Variants in DLG3 observed in about 807,000 individuals in gnomAD.
DLG3 encodes discs large MAGUK scaffold protein 3, also known as disks large homolog 3.
In DLG3, 1 loss-of-function variant was observed where a neutral mutation model predicts 64.1. That is an observed-to-expected ratio of 0.02 (90% confidence interval 0.01 to 0.07). The LOEUF (loss-of-function observed/expected upper bound fraction) is 0.07, where lower values mean the gene tolerates loss of function less well. Ranked by LOEUF, DLG3 falls within the 10% of genes least tolerant of loss-of-function variation. DLG3 has a pLI of 1.00. For synonymous variants in DLG3, 245 were observed against 259.8 expected, an observed-to-expected ratio of 0.94 and a Z score of 0.55; for missense variants, 429 against 669.5, an observed-to-expected ratio of 0.64 and a Z score of 3.96.
chrX:70,500,509 C>A lies in DLG3; in HGVS notation c.2184C>A (p.Ile728=). The change falls in exon 17 of 19, where the codon ATC becomes ATA. Residue 728 remains isoleucine (I), a synonymous_variant. Transcript: ENST00000374360. Reference sequence around the variant, plus strand: ...TCTTAGATGTTTCCGGCAATGCTATCAAGAGACTGCAGCAAGCACAACTTT... The same window carrying A: ...TCTTAGATGTTTCCGGCAATGCTATAAAGAGACTGCAGCAAGCACAACTTT... ...HCILDVSGNA[I]KRLQQAQLYP... 1 of 1,211,029 alleles carries A rather than the reference C, an allele frequency of 8.3e-7. No homozygotes were observed. Among genetic ancestry groups the A allele is most frequent in the Non-Finnish European group, 1.1e-6 (1 of 895,063 alleles).
intron 9 of DLG3, among the ~76,000 whole-genome samples, chrX:70,462,057 C>T (rs2086812126): frequency 1.0e-5 from 1 of 96,912 alleles, no homozygotes; most frequent in South Asian, 5.7e-4. Flanking sequence ...CCCACCGCCC[C>T]CCCAGCCCTA....
At chrX:70,492,653 G>T (rs2087379145) in intron 12 of DLG3, 57 bp downstream of exon 12, 1 of 1,053,495 alleles carries the variant, frequency 9.5e-7, no homozygotes. Context: ...GAGAAGCCTG[G>T]AGTTTAGTCT....
intron 1 of DLG3, 72 bp downstream of exon 1, chrX:70,445,630 G>C: frequency 1.0e-6 from 1 of 1,000,984 alleles, no homozygotes; most frequent in Non-Finnish European, 1.4e-6. Context: ...AGAGGCCTGG[G>C]ATGCAGTAGG....
chrX:70,496,096 G>T (rs1273245412), intron 13 of DLG3, among the ~76,000 whole-genome samples: 1 of 112,512 alleles, frequency 8.9e-6, no homozygotes, highest in African/African-American at 3.2e-5. Context: ...TTCTGGAAAA[G>T]AATCCTGGAG....
intron 10 of DLG3, among the ~76,000 whole-genome samples, chrX:70,483,414 G>T (rs370431029): frequency 5.3e-5 from 6 of 113,352 alleles, no homozygotes; most frequent in African/African-American, 1.9e-4. Context: ...TATGGTCCCT[G>T]CCCTCTGGCA....
chrX:70,503,350 G>T lies in DLG3; in HGVS notation c.*1081G>T, dbSNP rs1295238318. The T allele has an allele frequency of 2.7e-5, 3 of 112,524 alleles. No individual in the cohort carries two copies. Among genetic ancestry groups the T allele is most frequent in the Admixed American group, 1.9e-4 (2 of 10,588 alleles). The allele number at this position is 112,524 out of a possible 1,213,427, so 9.3% of individuals were successfully genotyped here. On this transcript the variant is annotated 3_prime_UTR_variant, in exon 19 of 19. Coordinates refer to ENST00000374360, the MANE Select transcript of DLG3 (RefSeq NM_021120.4). Reference sequence around the variant, plus strand: ...AATGCATAGAATCCAATTTGCCAAGGTTCTAAAGGCTTATGAGGTCCTGAA... The same window carrying T: ...AATGCATAGAATCCAATTTGCCAAGTTTCTAAAGGCTTATGAGGTCCTGAA...
intron 11 of DLG3, 94 bp from the exon 12 acceptor site, chrX:70,492,427 C>A: frequency 9.0e-7 from 1 of 1,116,787 alleles, no homozygotes; most frequent in Non-Finnish European, 1.2e-6. Flanking sequence ...GGTTTTTACT[C>A]AGTGAGCCAA....
intron 13 of DLG3, among the ~76,000 whole-genome samples, chrX:70,496,128 A>G (rs977214818): frequency 2.7e-5 from 3 of 112,706 alleles, no homozygotes; most frequent in African/African-American, 9.7e-5. Context: ...AAAGACCTAG[A>G]TGATGAGGCC....
chrX:70,464,824 T>C (rs1467496327), intron 9 of DLG3, among the ~76,000 whole-genome samples: 1 of 110,747 alleles, frequency 9.0e-6, no homozygotes, highest in Non-Finnish European at 1.9e-5. Context: ...GGCGTGGTGG[T>C]ACACCCCTGT....
intron 10 of DLG3, among the ~76,000 whole-genome samples, chrX:70,484,870 C>T (rs747177166): frequency 1.1e-3 from 124 of 111,729 alleles, no homozygotes; most frequent in African/African-American, 3.6e-3. Flanking sequence ...CAGGGAGGCC[C>T]GATCACTCCT....
chrX:70,491,212 C>G (rs2087353259), intron 10 of DLG3, among the ~76,000 whole-genome samples: 1 of 112,224 alleles, frequency 8.9e-6, no homozygotes, highest in Admixed American at 9.4e-5. Context: ...TGCGCCCGAC[C>G]TCCTAAGGCT....
In DLG3 at chrX:70,445,343, A is replaced by G. The variant is rs1412066412; in HGVS notation, c.142A>G (p.Ser48Gly). Reference sequence around the variant, plus strand: ...CGGGCCAGGTGGGGGCAACGGCGCCAGCGCGGGTTATGGGGGCTACAGCTC... The same window carrying G: ...CGGGCCAGGTGGGGGCAACGGCGCCGGCGCGGGTTATGGGGGCTACAGCTC... ...PYGPGGGNGA[S>G]AGYGGYSSQT... The change falls in exon 1 of 19, where the codon AGC (serine) becomes GGC (glycine). Residue 48 changes from serine to glycine, a missense_variant. Transcript: ENST00000374360. The G allele has an allele frequency of 2.2e-5, 26 of 1,170,428 alleles. No individual in the cohort carries two copies. The highest frequency in any genetic ancestry group is 2.9e-5 in the Non-Finnish European group (25 of 876,029).
chrX:70,499,629 G>T (rs1336143002), intron 15 of DLG3, among the ~76,000 whole-genome samples: 1 of 111,733 alleles, frequency 8.9e-6, no homozygotes, highest in Non-Finnish European at 1.9e-5. Flanking sequence ...CCATGCTTTA[G>T]CTCAGGAAAC....
chrX:70,492,919 G>A (rs2087385111), intron 12 of DLG3, among the ~76,000 whole-genome samples: 1 of 111,854 alleles, frequency 8.9e-6, no homozygotes, highest in African/African-American at 3.3e-5. Flanking sequence ...CAGAGCATCC[G>A]GCCAAGAAGC....
chrX:70,489,047 G>A (rs1444000483), intron 10 of DLG3, among the ~76,000 whole-genome samples: 5 of 111,765 alleles, frequency 4.5e-5, no homozygotes, highest in African/African-American at 9.8e-5. Context: ...AGAACCAAAC[G>A]TGTTCCTCAT....
At position 70,453,782 on chromosome X, in the gene DLG3, C is replaced by G; in HGVS notation, c.1291C>G (p.Arg431Gly). 1 of 1,191,341 alleles carries G rather than the reference C, an allele frequency of 8.4e-7. No homozygotes were observed. Among genetic ancestry groups the G allele is most frequent in the Non-Finnish European group, 1.1e-6 (1 of 884,449 alleles). The change falls in exon 8 of 19, where the codon CGG becomes GGG. Residue 431 changes from arginine (R) to glycine (G), a missense_variant. Physicochemically the swap from Arg to Gly is moderately radical, Grantham distance 125. Transcript: ENST00000374360. Reference protein sequence around the residue: ...DLSGELRRGDRILSVNGVNLR... With the variant: ...DLSGELRRGDGILSVNGVNLR... ...GAGTGGGGAGCTGCGCAGGGGAGACCGGATCTTATCGGTGAGGAGACAAAG... is the reference window on the plus strand; with the variant it reads ...GAGTGGGGAGCTGCGCAGGGGAGACGGGATCTTATCGGTGAGGAGACAAAG...
At chrX:70,453,608 T>G in intron 7 of DLG3, 29 bp from the exon 8 acceptor site, 4 of 1,204,410 alleles carry the variant, frequency 3.3e-6, no homozygotes, top group Non-Finnish European at 4.5e-6. Flanking sequence ...ATCTACCTAG[T>G]CCTGACTCCT....
chrX:70,501,757 G>A (rs2087568618), intron 18 of DLG3, among the ~76,000 whole-genome samples: 1 of 111,551 alleles, frequency 9.0e-6, no homozygotes, highest in African/African-American at 3.3e-5. Flanking sequence ...GGAGAACTGC[G>A]ATTTTCCAAA....
At chrX:70,500,268 G>A (rs754720707) in intron 16 of DLG3, among the ~76,000 whole-genome samples, 9 of 111,750 alleles carry the variant, frequency 8.1e-5, no homozygotes, top group African/African-American at 2.9e-4. Context: ...CTGGACAGAT[G>A]TGGCCTTTTC....
Sources: allele counts gnomAD v4.1 joint callset (sites outside exome capture counted in the v4.1 genomes callset), GRCh38; gene constraint gnomAD v4.1.1; transcripts MANE v1.5; gene names NCBI Gene and HGNC (gene_info 2026-07-23, HGNC 2026-07-21).